PANK3: variants seen among roughly 807,000 people sequenced by gnomAD.
The protein encoded by PANK3 is pantothenate kinase 3, also known as hPanK3.
PANK3 carries 20 observed loss-of-function variants against 39.4 expected under a neutral mutation model. That is an observed-to-expected ratio of 0.51 (90% CI 0.36 to 0.74). PANK3 has a LOEUF of 0.74. Ranked by LOEUF, PANK3 falls within the 30% of genes least tolerant of loss-of-function variation. The pLI, the probability that PANK3 is intolerant of heterozygous loss-of-function variation, is 0.00. For missense variants in PANK3, 265 were observed against 437.0 expected (o/e 0.61, Z 3.51); for synonymous variants, 140 against 157.3 (o/e 0.89, Z 0.82).
Position 168,568,763 on chromosome 5 carries a change from T to C in PANK3, c.264A>G (p.Pro88=), listed in dbSNP as rs749859432. 8 of 1,614,022 alleles carry C rather than the reference T, an allele frequency of 5.0e-6. No homozygotes were observed. In the East Asian group the frequency reaches 1.6e-4, roughly 31 times the overall value. ...RRGNLHFIRF[P]TQDLPTFIQM... is the part of the protein sequence containing the mutation. ...GGATAAAAGTAGGCAGGTCCTGGGT[T>C]GGAAACCTGATAAAGTGCAAGTTCC... Residue 88 remains proline, a synonymous_variant, in exon 2 of 7, where the codon CCA becomes CCG. Transcript: ENST00000239231.
At position 168,579,246 on chromosome 5, in the gene PANK3, C is replaced by G; in HGVS notation, c.28+10G>C. 6.7e-7 allele frequency: 1 copy of G among 1,492,246 alleles called. No homozygotes were observed. Among genetic ancestry groups the G allele is most frequent in the Non-Finnish European group, 8.9e-7 (1 of 1,118,278 alleles). 92.4% of individuals were successfully genotyped at this position (1,492,246 alleles called of 1,614,324 possible). ...CCTCCCAACCTGGCGGGCCCCAGCCCCCGTCTTACAGGGTTTCTTGGCATC... is the reference window on the plus strand; with the variant it reads ...CCTCCCAACCTGGCGGGCCCCAGCCGCCGTCTTACAGGGTTTCTTGGCATC... On this transcript the variant is annotated intron_variant, in intron 1 of 6. Transcript: ENST00000239231.
At chr5:168,570,108 C>T (rs1317564710) in intron 1 of PANK3, among the ~76,000 whole-genome samples, 3 of 152,052 alleles carry the variant, frequency 2.0e-5, no homozygotes, top group African/African-American at 7.2e-5. Context: ...CCAGGCCGGG[C>T]GCGGTGGCTT....
rs936496787 is a variant in PANK3, at chr5:168,554,183, G to T, written c.*3388C>A. 3 of 152,222 alleles carry T rather than the reference G, an allele frequency of 2.0e-5. No individual in the cohort carries two copies. The highest frequency in any genetic ancestry group is 7.2e-5 in the African/African-American group (3 of 41,452). The allele number at this position is 152,222 out of a possible 1,614,324, so 9.4% of individuals were successfully genotyped here. A position where few individuals can be genotyped will look rare whatever the true frequency, so the allele number is the denominator to read the frequency against. ...TTATGTTGGCAAGTTAACACTGGAG[G>T]TCCAATAGTTTAGTGAAGTTGTTTT... On this transcript the variant is annotated 3_prime_UTR_variant, in exon 7 of 7. Transcript: ENST00000239231.
At chr5:168,570,651 G>T (rs772440330) in intron 1 of PANK3, among the ~76,000 whole-genome samples, 2 of 152,150 alleles carry the variant, frequency 1.3e-5, no homozygotes, top group Non-Finnish European at 2.9e-5. Flanking sequence ...AAGGTGAAGA[G>T]GCATACGTCA....
chr5:168,569,030 A>ATATATATATATATATATAT (rs1554125889), intron 1 of PANK3, 32 bp from the exon 2 acceptor site: 16 of 120,284 alleles, frequency 1.3e-4, no homozygotes, highest in Admixed American at 3.7e-4. Flanking sequence ...AAAAAAAAAA[A>ATATATATATATATATATAT]ATATATATAT....
chr5:168,578,465 T>C (rs867064923), intron 1 of PANK3, among the ~76,000 whole-genome samples: 4 of 152,356 alleles, frequency 2.6e-5, no homozygotes, highest in Middle Eastern at 6.8e-3. Flanking sequence ...TGGGAGGCTA[T>C]ACTTAAAAAG....
At chr5:168,558,124 G>A (rs1759380291) in intron 6 of PANK3, among the ~76,000 whole-genome samples, 1 of 147,962 alleles carries the variant, frequency 6.8e-6, no homozygotes, top group Admixed American at 6.7e-5. Context: ...GATTTGTATT[G>A]TGTGAGCAGT....
At chr5:168,569,880 T>C (rs945313529) in intron 1 of PANK3, among the ~76,000 whole-genome samples, 3 of 152,014 alleles carry the variant, frequency 2.0e-5, no homozygotes, top group African/African-American at 7.2e-5. Context: ...AACAAGATCC[T>C]GTCTCCGCAA....
At chr5:168,568,611 G>T in intron 2 of PANK3, 35 bp downstream of exon 2, 2 of 1,421,794 alleles carry the variant, frequency 1.4e-6, no homozygotes, top group Non-Finnish European at 1.9e-6. Context: ...TTAAAAACAG[G>T]TATCAATTTT....
chr5:168,568,267 G>A (rs898203052), intron 2 of PANK3, among the ~76,000 whole-genome samples: 1 of 152,146 alleles, frequency 6.6e-6, no homozygotes, highest in Admixed American at 6.5e-5. Context: ...GATGGCCCTG[G>A]AAGATTAATA....
intron 1 of PANK3, among the ~76,000 whole-genome samples, chr5:168,578,017 G>A (rs1462817550): frequency 6.6e-6 from 1 of 152,136 alleles, no homozygotes; most frequent in Admixed American, 6.5e-5. Context: ...GATCTATTCA[G>A]TTATAAATAA....
At chr5:168,558,530 A>C (rs1178865282) in intron 6 of PANK3, among the ~76,000 whole-genome samples, 1 of 152,238 alleles carries the variant, frequency 6.6e-6, no homozygotes, top group Admixed American at 6.5e-5. Context: ...TGATACAGCC[A>C]TTTGACTTTG....
intron 1 of PANK3, among the ~76,000 whole-genome samples, chr5:168,577,076 TCA>T (rs1759743441): frequency 1.3e-5 from 2 of 151,050 alleles, no homozygotes; most frequent in South Asian, 4.2e-4. Context: ...AGATGGGGTT[TCA>T]CCATGTTGGT....
At chr5:168,570,767 A>G (rs1759616887) in intron 1 of PANK3, among the ~76,000 whole-genome samples, 1 of 152,216 alleles carries the variant, frequency 6.6e-6, no homozygotes, top group African/African-American at 2.4e-5. Context: ...CAACGGGAAC[A>G]CTACTGACGT....
chr5:168,572,497 CA>C lies in PANK3; in HGVS notation c.29-3500del, dbSNP rs1231496234. On this transcript the variant is annotated intron_variant, in intron 1 of 6. Transcript: ENST00000239231. Reference sequence around the variant, plus strand: ...GGAGTTAGGAGCAATGTTTTGAGGGCAGGGGGTGGATCTCACAAAGTACATT... The same window carrying C: ...GGAGTTAGGAGCAATGTTTTGAGGGCGGGGGTGGATCTCACAAAGTACATT... 3.4e-5 allele frequency among the ~76,000 whole-genome samples: 5 copies of C among 145,580 alleles called. No individual in the cohort carries two copies. In the Admixed American group the frequency reaches 3.7e-4, roughly 11 times the overall value.
chr5:168,559,161 AAAG>A lies in PANK3; in HGVS notation c.937-7_937-5del. The stretch of plus-strand genomic sequence containing the variant: ...CAAAGACAACTCTGTTTATTTTCTA[AAAG>A]AAAAGAACAAAGAAAAAACTTGTAA... On this transcript the variant is annotated splice_region_variant and splice_polypyrimidine_tract_variant and intron_variant, in intron 5 of 6. Coordinates refer to ENST00000239231, the MANE Select transcript of PANK3 (RefSeq NM_024594.4). The A allele has an allele frequency of 3.3e-6, 5 of 1,505,834 alleles. No homozygotes were observed. Among genetic ancestry groups the A allele is most frequent in the Non-Finnish European group, 2.7e-6 (3 of 1,108,502 alleles). The allele number at this position is 1,505,834 out of a possible 1,614,324, so 93.3% of individuals were successfully genotyped here. A position where few individuals can be genotyped will look rare whatever the true frequency, so the allele number is the denominator to read the frequency against.
chr5:168,565,868 A>AAAT, intron 3 of PANK3, 145 bp downstream of exon 3: 4,166 of 131,796 alleles, frequency 0.032, 164 homozygotes, highest in African/African-American at 0.076. Context: ...AAAAAAAAAA[A>AAAT]ATATATATAT....
intron 1 of PANK3, among the ~76,000 whole-genome samples, chr5:168,569,341 C>T (rs1381055351): frequency 1.3e-5 from 2 of 150,910 alleles, no homozygotes; most frequent in Non-Finnish European, 1.5e-5. Context: ...CCCACCACCA[C>T]GCCTGCCTAA....
chr5:168,575,878 T>A (rs1350360842), intron 1 of PANK3, among the ~76,000 whole-genome samples: 1 of 152,112 alleles, frequency 6.6e-6, no homozygotes, highest in African/African-American at 2.4e-5. Flanking sequence ...GAAACCAACA[T>A]GAAAAACGCT....
Sources: allele counts gnomAD v4.1 joint callset (sites outside exome capture counted in the v4.1 genomes callset), GRCh38; gene constraint gnomAD v4.1.1; transcripts MANE v1.5; gene names NCBI Gene and HGNC (gene_info 2026-07-23, HGNC 2026-07-21).